PUDP: variants seen among roughly 807,000 people sequenced by gnomAD.
PUDP encodes pseudouridine-5'-phosphatase.
A neutral mutation model predicts 9.4 loss-of-function variants in PUDP; 8 were observed. The observed-to-expected ratio is 0.85, with a 90% confidence interval of 0.50 to 1.53. The LOEUF (loss-of-function observed/expected upper bound fraction) is 1.53. Among genes scored for constraint, PUDP ranks in the 40% most tolerant of loss-of-function variants. The pLI is 0.00. For missense variants in PUDP, 188 were observed against 189.7 expected (o/e 0.99, Z 0.05); for synonymous variants, 99 against 80.7 (o/e 1.23, Z -1.22).
intron 3 of PUDP, among the ~76,000 whole-genome samples, chrX:6,797,856 C>T (rs148584692): frequency 8.0e-5 from 9 of 112,113 alleles, no homozygotes; most frequent in African/African-American, 2.9e-4. Context: ...ATCCCCAATG[C>T]CATCTTTCAC....
chrX:6,984,420 C>G (rs1490412192), intron 1 of PUDP, among the ~76,000 whole-genome samples: 5 of 111,871 alleles, frequency 4.5e-5, no homozygotes, highest in Non-Finnish European at 9.4e-5. Flanking sequence ...TGAATGATAT[C>G]TCAATATAGC....
chrX:6,897,215 T>A (rs1927605435), intron 3 of PUDP, among the ~76,000 whole-genome samples: 1 of 111,700 alleles, frequency 9.0e-6, no homozygotes, highest in South Asian at 3.8e-4. Context: ...CTAGGTAATT[T>A]AAACATCATT....
At chrX:6,983,438 GA>G (rs988651425) in intron 1 of PUDP, among the ~76,000 whole-genome samples, 1 of 110,954 alleles carries the variant, frequency 9.0e-6, no homozygotes, top group African/African-American at 3.3e-5. Flanking sequence ...GCAAAAACAT[GA>G]AAAAAAATCT....
chrX:7,147,860 A>T, intron 1 of PUDP, 193 bp downstream of exon 1: 1 of 190,375 alleles, frequency 5.3e-6, no homozygotes, highest in Non-Finnish European at 1.0e-5. Context: ...GCCAGCCCGG[A>T]CATGGGCCCG....
intron 1 of PUDP, among the ~76,000 whole-genome samples, chrX:6,983,807 G>A (rs1305985219): frequency 8.9e-6 from 1 of 112,186 alleles, no homozygotes. Flanking sequence ...ATAGGGCATA[G>A]GCCAAGTAAA....
chrX:6,852,514 A>G (rs1926841068), intron 3 of PUDP, among the ~76,000 whole-genome samples: 1 of 111,954 alleles, frequency 8.9e-6, no homozygotes, highest in Non-Finnish European at 1.9e-5. Context: ...GGGTCTGTTT[A>G]TAGCTTAAAA....
intron 3 of PUDP, among the ~76,000 whole-genome samples, chrX:6,873,026 C>T (rs1399759517): frequency 1.9e-5 from 2 of 107,608 alleles, no homozygotes; most frequent in Non-Finnish European, 3.8e-5. Flanking sequence ...AACAAACATT[C>T]TAAGTTCATA....
At chrX:6,865,279 A>C (rs1927062409) in intron 3 of PUDP, among the ~76,000 whole-genome samples, 1 of 111,909 alleles carries the variant, frequency 8.9e-6, no homozygotes, top group Non-Finnish European at 1.9e-5. Flanking sequence ...TTTTAGTTTT[A>C]AAATAAGTAG....
chrX:7,095,819 G>A (rs1359383590), intron 2 of PUDP, among the ~76,000 whole-genome samples: 4 of 112,377 alleles, frequency 3.6e-5, no homozygotes, highest in African/African-American at 1.3e-4. Context: ...GCTGACCTGG[G>A]TGCTTCCTGG....
chrX:7,055,674 A>C (rs1210869093), intron 3 of PUDP, among the ~76,000 whole-genome samples: 1 of 112,100 alleles, frequency 8.9e-6, no homozygotes, highest in African/African-American at 3.2e-5. Flanking sequence ...CATTTAAAGA[A>C]TGTTCACAGC....
chrX:7,075,915 A>C (rs1930882130), intron 3 of PUDP, among the ~76,000 whole-genome samples: 1 of 111,471 alleles, frequency 9.0e-6, no homozygotes, highest in African/African-American at 3.3e-5. Context: ...ATTTGTAGCC[A>C]ATCAGAAGTA....
At chrX:6,712,090 C>T (rs1422691097) in intron 1 of PUDP, among the ~76,000 whole-genome samples, 6 of 111,926 alleles carry the variant, frequency 5.4e-5, no homozygotes, top group Admixed American at 1.9e-4. Flanking sequence ...GGCTAGGGAA[C>T]CAAAGGATGC....
chrX:6,720,191 T>C (rs1924647722), intron 1 of PUDP, among the ~76,000 whole-genome samples: 1 of 96,471 alleles, frequency 1.0e-5, no homozygotes, highest in Non-Finnish European at 2.0e-5. Context: ...TATATACATA[T>C]GTGTATATAT....
At chrX:6,992,856 C>T (rs1011865653) in intron 1 of PUDP, among the ~76,000 whole-genome samples, 1 of 111,814 alleles carries the variant, frequency 8.9e-6, no homozygotes, top group Admixed American at 9.4e-5. Context: ...ATTCAATCAG[C>T]TGCCAATGCA....
At chrX:6,945,645 C>T (rs1384248628) in intron 3 of PUDP, among the ~76,000 whole-genome samples, 1 of 110,455 alleles carries the variant, frequency 9.1e-6, no homozygotes, top group Non-Finnish European at 1.9e-5. Flanking sequence ...TAAGAGGGTT[C>T]CCAAGAGTTT....
chrX:6,860,715 G>A (rs746960682), intron 3 of PUDP, among the ~76,000 whole-genome samples: 34 of 109,263 alleles, frequency 3.1e-4, no homozygotes, highest in Middle Eastern at 5.1e-3. Context: ...CAGGTAATCC[G>A]CCCTCCTCGG....
intron 3 of PUDP, among the ~76,000 whole-genome samples, chrX:6,972,815 C>T (rs756201541): frequency 6.3e-5 from 7 of 111,798 alleles, no homozygotes; most frequent in Middle Eastern, 4.6e-3. Context: ...TGGTAGAATT[C>T]AGCTCTGAAT....
chrX:6,779,596 C>A (rs7055971), intron 3 of PUDP, among the ~76,000 whole-genome samples: 20,110 of 110,778 alleles, frequency 0.18, 1,876 homozygotes, highest in African/African-American at 0.36. Context: ...CTTGACATAA[C>A]GGCATTGCAG....
intron 3 of PUDP, among the ~76,000 whole-genome samples, chrX:6,920,132 CT>C (rs1305410469): frequency 9.1e-6 from 1 of 109,534 alleles, no homozygotes; most frequent in Non-Finnish European, 1.9e-5. Flanking sequence ...ACTCCACCCC[CT>C]TGCTATCAAT....
Sources: allele counts gnomAD v4.1 joint callset (sites outside exome capture counted in the v4.1 genomes callset), GRCh38; gene constraint gnomAD v4.1.1; transcripts MANE v1.5; gene names NCBI Gene and HGNC (gene_info 2026-07-23, HGNC 2026-07-21).